The following MYT1L variants were observed in gnomAD, a reference collection of about 807,000 sequenced individuals.
MYT1L encodes myelin transcription factor 1 like, also known as myelin transcription factor 1-like protein.
In MYT1L, 12 loss-of-function variants were observed where a neutral mutation model predicts 126.7. That is an observed-to-expected ratio of 0.09 (90% CI 0.06 to 0.15). MYT1L has a LOEUF of 0.15. Ranked by LOEUF, MYT1L falls within the 10% of genes least tolerant of loss-of-function variation. The pLI, the probability that MYT1L is intolerant of heterozygous loss-of-function variation, is 1.00. For synonymous variants in MYT1L, 541 were observed against 604.2 expected (o/e 0.90, Z 1.53); for missense variants, 979 against 1,585.2 (o/e 0.62, Z 6.49).
chr2:1,912,233 T>C lies in MYT1L; in HGVS notation c.1619-123A>G, dbSNP rs2052121329. ...TGATAGACAGTCCTACAAACGTTTG[T>C]GATGGGCATGGCCAGGAAAACACAC... On this transcript the variant is annotated intron_variant, in intron 11 of 24. Transcript: ENST00000647738. This position sits in a 1 kb window ranked among gnomAD's most constrained non-coding sequence, Gnocchi z 4.3. 8.8e-6 allele frequency: 5 copies of C among 566,668 alleles called. No individual in the cohort carries two copies. In the South Asian group the frequency reaches 1.8e-4, roughly 20 times the overall value. 35.1% of individuals were successfully genotyped at this position (566,668 alleles called of 1,614,324 possible).
At chr2:2,092,183 T>C (rs2076973465) in intron 3 of MYT1L, among the ~76,000 whole-genome samples, 2 of 152,234 alleles carry the variant, frequency 1.3e-5, no homozygotes, top group South Asian at 4.1e-4. Flanking sequence ...CATTTCTAGC[T>C]TTAAATTTAA....
At chr2:1,816,051 G>C (rs570010739) in intron 21 of MYT1L, 1 of 152,082 alleles carries the variant, frequency 6.6e-6, no homozygotes, top group Non-Finnish European at 1.5e-5. Context: ...GGCTGGTCTC[G>C]AACTCCTGAT....
chr2:2,208,932 T>C (rs948340798), intron 2 of MYT1L, among the ~76,000 whole-genome samples: 13 of 150,828 alleles, frequency 8.6e-5, no homozygotes, highest in African/African-American at 3.0e-4. Flanking sequence ...TATCAAAATT[T>C]AGCTAATCAC....
intron 1 of MYT1L, among the ~76,000 whole-genome samples, chr2:2,322,270 A>G (rs1042201922): frequency 3.9e-5 from 6 of 152,004 alleles, no homozygotes; most frequent in Admixed American, 3.3e-4. Context: ...ACACTGTCCA[A>G]TGTTGCCTAC....
chr2:1,803,987 G>C (rs1167457033), intron 22 of MYT1L, among the ~76,000 whole-genome samples: 1 of 152,232 alleles, frequency 6.6e-6, no homozygotes, highest in Admixed American at 6.5e-5. Flanking sequence ...GAGAGCTCTG[G>C]GTTGGGTGGG....
At chr2:1,911,957 AAGG>A in intron 12 of MYT1L, 60 bp downstream of exon 12, 1 of 1,315,188 alleles carries the variant, frequency 7.6e-7, no homozygotes, top group Non-Finnish European at 1.0e-6. Flanking sequence ...GCCCCCCAGG[AAGG>A]AGAAGGCATG....
chr2:2,094,693 G>C (rs988546970), intron 3 of MYT1L, among the ~76,000 whole-genome samples: 2 of 148,564 alleles, frequency 1.3e-5, no homozygotes, highest in African/African-American at 5.0e-5. Context: ...AACATCGCAT[G>C]TTCTCACTCA....
rs143972112 is a variant in MYT1L at position 1,865,664 on chromosome 2, C to T, written c.2712-13961G>A. 3.0e-3 allele frequency among the ~76,000 whole-genome samples: 452 copies of T among 151,896 alleles called. 2 individuals are homozygous for T. The highest frequency in any genetic ancestry group is 1.0e-2 in the African/African-American group (413 of 41,410). ...CCTGGAGGCTGGCAGCCTTCTTTTGCGTGGTGGTGCAGGTGATCACATAGG... is the reference window on the plus strand; with the variant it reads ...CCTGGAGGCTGGCAGCCTTCTTTTGTGTGGTGGTGCAGGTGATCACATAGG... On this transcript the variant is annotated intron_variant, in intron 18 of 24. Transcript: ENST00000647738.
chr2:1,869,182 C>T (rs2045967217), intron 18 of MYT1L, among the ~76,000 whole-genome samples: 1 of 145,948 alleles, frequency 6.9e-6, no homozygotes, highest in Non-Finnish European at 1.5e-5. Context: ...TGTACCTCCA[C>T]CAGAGACAAA....
intron 2 of MYT1L, among the ~76,000 whole-genome samples, chr2:2,176,013 T>C (rs2090721091): frequency 6.6e-6 from 1 of 152,214 alleles, no homozygotes; most frequent in Non-Finnish European, 1.5e-5. Context: ...TTGTTTCCTT[T>C]GTACCAAGTT....
chr2:2,050,626 T>A (rs1032616839), intron 4 of MYT1L, among the ~76,000 whole-genome samples: 44 of 152,180 alleles, frequency 2.9e-4, no homozygotes, highest in Non-Finnish European at 6.0e-4. Flanking sequence ...ATTTCTCCCA[T>A]AAGATCAAGC....
At chr2:1,960,275 G>A (rs1318235949) in intron 8 of MYT1L, among the ~76,000 whole-genome samples, 1 of 152,186 alleles carries the variant, frequency 6.6e-6, no homozygotes, top group African/African-American at 2.4e-5. Context: ...ACTGAAGAAT[G>A]CAGAATGTGG....
intron 3 of MYT1L, among the ~76,000 whole-genome samples, chr2:2,055,976 G>A (rs1035941343): frequency 6.6e-6 from 1 of 152,252 alleles, no homozygotes; most frequent in Non-Finnish European, 1.5e-5. Flanking sequence ...GGCCATTCCT[G>A]TGGGAGCAGC....
chr2:1,866,437 A>G (rs1353991847), intron 18 of MYT1L, among the ~76,000 whole-genome samples: 2 of 148,008 alleles, frequency 1.4e-5, no homozygotes, highest in Non-Finnish European at 3.0e-5. Flanking sequence ...GCAGAGAGAG[A>G]GAGTGGGAGA....
At chr2:1,874,683 C>T (rs2046674577) in intron 18 of MYT1L, among the ~76,000 whole-genome samples, 1 of 152,186 alleles carries the variant, frequency 6.6e-6, no homozygotes, top group Non-Finnish European at 1.5e-5. Flanking sequence ...CCAGAGGGAG[C>T]CACGTCCCTC....
At chr2:2,295,523 G>T (rs2095657924) in intron 1 of MYT1L, among the ~76,000 whole-genome samples, 2 of 142,692 alleles carry the variant, frequency 1.4e-5, no homozygotes, top group East Asian at 2.0e-4. Flanking sequence ...GGGCAGAGGA[G>T]GTGCAGAGAA....
chr2:2,001,095 C>A (rs2062327774), intron 4 of MYT1L, among the ~76,000 whole-genome samples: 1 of 152,174 alleles, frequency 6.6e-6, no homozygotes, highest in African/African-American at 2.4e-5. Context: ...CCCCATACAA[C>A]CTGAAAACTG....
intron 2 of MYT1L, among the ~76,000 whole-genome samples, chr2:2,204,016 T>C (rs1006327143): frequency 1.3e-5 from 2 of 152,214 alleles, no homozygotes; most frequent in Admixed American, 1.3e-4. Flanking sequence ...GGGGAAGGCA[T>C]TCCCTATTTA....
chr2:1,846,966 T>C (rs568168256), intron 19 of MYT1L, among the ~76,000 whole-genome samples: 1 of 152,270 alleles, frequency 6.6e-6, no homozygotes, highest in African/African-American at 2.4e-5. Flanking sequence ...TTCACTGTCT[T>C]CTTCAGGACC....
Sources: allele counts gnomAD v4.1 joint callset (sites outside exome capture counted in the v4.1 genomes callset), GRCh38; gene constraint gnomAD v4.1.1; non-coding constraint Gnocchi (gnomAD v3.1); transcripts MANE v1.5; gene names NCBI Gene and HGNC (gene_info 2026-07-23, HGNC 2026-07-21).